The following SLC12A1 variants were observed in gnomAD, a reference collection of about 807,000 sequenced individuals.
SLC12A1 encodes the protein solute carrier family 12 member 1, also known as Na-K-2Cl cotransporter.
SLC12A1 carries 89 observed loss-of-function variants against 130.4 expected under a neutral mutation model. That is an observed-to-expected ratio of 0.68 (90% CI 0.58 to 0.81). SLC12A1 has a LOEUF of 0.81. Ranked by LOEUF, SLC12A1 falls within the 40% of genes least tolerant of loss-of-function variation. The pLI, the probability that SLC12A1 is intolerant of heterozygous loss-of-function variation, is 0.00. For missense variants in SLC12A1, 1,310 were observed against 1,336.4 expected, an observed-to-expected ratio of 0.98 and a Z score of 0.31; for synonymous variants, 499 against 460.0, an observed-to-expected ratio of 1.08 and a Z score of -1.09.
chr15:48,285,629 G>A (rs1337151595), intron 21 of SLC12A1, among the ~76,000 whole-genome samples: 4 of 152,148 alleles, frequency 2.6e-5, no homozygotes, highest in Non-Finnish European at 4.4e-5. Flanking sequence ...GACATTTCAG[G>A]GAACTGAAAT....
At chr15:48,255,950 C>A in intron 16 of SLC12A1, 40 bp downstream of exon 16, 1 of 1,202,250 alleles carries the variant, frequency 8.3e-7, no homozygotes, top group East Asian at 2.5e-5. Flanking sequence ...TTTTTCCACC[C>A]TAGAAGTGGC....
At chr15:48,263,931 G>T (rs930766740) in intron 17 of SLC12A1, among the ~76,000 whole-genome samples, 1 of 152,010 alleles carries the variant, frequency 6.6e-6, no homozygotes, top group Admixed American at 6.6e-5. Flanking sequence ...GGGCTCAAGC[G>T]ATTTGCCCTC....
At chr15:48,243,147 G>A (rs75814340) in intron 10 of SLC12A1, among the ~76,000 whole-genome samples, 3,599 of 152,152 alleles carry the variant, frequency 0.024, 145 homozygotes, top group African/African-American at 0.084. Flanking sequence ...ATGGGAATTT[G>A]AGAGATCTGT....
In SLC12A1 at chr15:48,303,191, ACTT is replaced by A. The variant is rs2042254651; in HGVS notation, c.*309_*311del. On this transcript the variant is annotated 3_prime_UTR_variant, in exon 27 of 27. Transcript: ENST00000380993. ...ATGAAAACCACCAATGTGATTGTAA[ACTT>A]CTCCAGACAAACTTAACCTTTTGTT... is the stretch of plus-strand genomic sequence containing the variant. 1 of 196,566 alleles carries A rather than the reference ACTT, an allele frequency of 5.1e-6. No individual in the cohort carries two copies. The highest frequency in any genetic ancestry group is 1.5e-4 in the South Asian group (1 of 6,518). 12.2% of individuals were successfully genotyped at this position (196,566 alleles called of 1,614,324 possible).
At position 48,279,769 on chromosome 15, in the gene SLC12A1, T is replaced by C. The variant is rs34952416; in HGVS notation, c.2485+5116T>C. Among the ~76,000 whole-genome samples the C allele has an allele frequency of 5.5e-3, 832 of 152,346 alleles. 7 individuals carry two copies. The highest frequency in any genetic ancestry group is 0.019 in the African/African-American group (804 of 41,586). On this transcript the variant is annotated intron_variant, in intron 20 of 26. Transcript: ENST00000380993. The stretch of plus-strand genomic sequence containing the variant: ...ATTGTGGTCAAGTATTCCATGTAAG[T>C]ACAGCATGATTTGTGAACATCTCAG...
At position 48,285,269 on chromosome 15, in the gene SLC12A1, T is replaced by C. The variant is rs761575401; in HGVS notation, c.2629+20T>C. 1.2e-6 allele frequency: 2 copies of C among 1,611,058 alleles called. No individual in the cohort carries two copies. Among genetic ancestry groups the C allele is most frequent in the Admixed American group, 1.7e-5 (1 of 59,294 alleles). The stretch of plus-strand genomic sequence containing the variant: ...AAAAAGGTAAGAACTTTTTAAAATT[T>C]GCAAAAAAGTTTACAAGATGAGTCA... On this transcript the variant is annotated intron_variant, in intron 21 of 26. Transcript: ENST00000380993.
At chr15:48,289,156 G>A (rs1597457042) in intron 23 of SLC12A1, among the ~76,000 whole-genome samples, 1 of 151,394 alleles carries the variant, frequency 6.6e-6, no homozygotes, top group African/African-American at 2.4e-5. Flanking sequence ...GCCATTGAGA[G>A]TTGATGCCAG....
At chr15:48,208,668 G>A (rs534134414) in intron 2 of SLC12A1, among the ~76,000 whole-genome samples, 37 of 152,298 alleles carry the variant, frequency 2.4e-4, no homozygotes, top group African/African-American at 8.7e-4. Flanking sequence ...CTAAATGTTA[G>A]GCAATATGTT....
At chr15:48,210,875 G>A (rs1004450644) in intron 2 of SLC12A1, among the ~76,000 whole-genome samples, 40 of 151,112 alleles carry the variant, frequency 2.6e-4, no homozygotes, top group African/African-American at 9.5e-4. Context: ...AAAAAAAAAA[G>A]AAACAGAAAG....
chr15:48,239,266 C>T (rs998467676), intron 9 of SLC12A1, among the ~76,000 whole-genome samples: 2 of 152,088 alleles, frequency 1.3e-5, no homozygotes, highest in South Asian at 2.1e-4. Context: ...AATCGCAGCA[C>T]TTTGGGAGGC....
At chr15:48,214,592 A>T (rs1194047645) in intron 2 of SLC12A1, among the ~76,000 whole-genome samples, 4 of 152,224 alleles carry the variant, frequency 2.6e-5, no homozygotes, top group Non-Finnish European at 5.9e-5. Flanking sequence ...TTCATAATTT[A>T]AAATATTGCC....
intron 8 of SLC12A1, among the ~76,000 whole-genome samples, chr15:48,233,737 T>C (rs1351103548): frequency 6.6e-6 from 1 of 152,164 alleles, no homozygotes; most frequent in African/African-American, 2.4e-5. Context: ...TGATTCCTTT[T>C]CTTCATAAAG....
chr15:48,252,200 T>C (rs1298451326), intron 15 of SLC12A1, among the ~76,000 whole-genome samples: 2 of 150,988 alleles, frequency 1.3e-5, no homozygotes, highest in African/African-American at 5.0e-5. Flanking sequence ...CGAAACTCTG[T>C]CTCAAAAAAT....
At chr15:48,248,991 C>T (rs2041615996) in intron 13 of SLC12A1, among the ~76,000 whole-genome samples, 1 of 152,112 alleles carries the variant, frequency 6.6e-6, no homozygotes, top group African/African-American at 2.4e-5. Context: ...TTGCAGTGAG[C>T]CGAGATTGTG....
Position 48,213,501 on chromosome 15 carries a change from A to ATT in SLC12A1, c.420+5381_420+5382dup, listed in dbSNP as rs1242909450. ...AGTGACTTGACCTCTTTCCTCTAGA[A>ATT]TTTTTTTTTTTTTTTTTTTTGAGAC... is the stretch of plus-strand genomic sequence containing the variant. On this transcript the variant is annotated intron_variant, in intron 2 of 26. Coordinates refer to ENST00000380993, the MANE Select transcript of SLC12A1 (RefSeq NM_000338.3). Among the ~76,000 whole-genome samples, 859 of 131,254 alleles carry ATT rather than the reference A, an allele frequency of 6.5e-3. 26 individuals are homozygous for ATT. The highest frequency in any genetic ancestry group is 0.023 in the African/African-American group (751 of 33,118). The allele number at this position is 131,254 out of a possible 152,430, so 86.1% of individuals were successfully genotyped here.
intron 21 of SLC12A1, 37 bp downstream of exon 21, chr15:48,285,286 G>T: frequency 6.2e-7 from 1 of 1,604,462 alleles, no homozygotes; most frequent in South Asian, 1.1e-5. Context: ...AAGTTTACAA[G>T]ATGAGTCACT....
chr15:48,226,611 A>G, intron 5 of SLC12A1, 40 bp downstream of exon 5: 1 of 1,256,156 alleles, frequency 8.0e-7, no homozygotes, highest in Non-Finnish European at 1.2e-6. Context: ...ATCACTTGCT[A>G]CGGGTAGGCG....
chr15:48,210,639 G>T (rs1448273963), intron 2 of SLC12A1, among the ~76,000 whole-genome samples: 1 of 149,590 alleles, frequency 6.7e-6, no homozygotes, highest in Non-Finnish European at 1.5e-5. Context: ...TGGATCACCT[G>T]AGGTCAAAAA....
intron 9 of SLC12A1, among the ~76,000 whole-genome samples, chr15:48,236,092 A>AACACACAC (rs56371843): frequency 1.4e-4 from 21 of 145,800 alleles, no homozygotes; most frequent in African/African-American, 3.8e-4. Flanking sequence ...AGCCATTTCT[A>AACACACAC]ACACACACAC....
Sources: allele counts gnomAD v4.1 joint callset (sites outside exome capture counted in the v4.1 genomes callset), GRCh38; gene constraint gnomAD v4.1.1; transcripts MANE v1.5; gene names NCBI Gene and HGNC (gene_info 2026-07-23, HGNC 2026-07-21).